IRAG2: variants seen among roughly 807,000 people sequenced by gnomAD.
IRAG2 encodes the protein lymphoid restricted membrane protein.
IRAG2 carries 45 observed loss-of-function variants against 69.9 expected under a neutral mutation model. The ratio of observed to expected loss-of-function variants is 0.64; its 90% CI spans 0.51 to 0.83. IRAG2 has a LOEUF of 0.83. Among genes scored for constraint, IRAG2 ranks in the 40% least tolerant of loss-of-function variants. The pLI is 0.00. For synonymous variants in IRAG2, 193 were observed against 202.4 expected, an observed-to-expected ratio of 0.95 and a Z score of 0.40; for missense variants, 520 against 587.0, an observed-to-expected ratio of 0.89 and a Z score of 1.18.
upstream of IRAG2, among the ~76,000 whole-genome samples, chr12:25,001,610 C>T (rs1380603262): frequency 2.0e-5 from 3 of 152,108 alleles, no homozygotes; most frequent in Non-Finnish European, 4.4e-5. Flanking sequence ...ACCACATCAT[C>T]ATTCAGTGAC....
At chr12:25,039,652 G>A (rs1424740023) in intron 16 of IRAG2, among the ~76,000 whole-genome samples, 2 of 152,110 alleles carry the variant, frequency 1.3e-5, no homozygotes, top group Non-Finnish European at 2.9e-5. Context: ...GGATGGTCTC[G>A]ATCTCCTGAC....
intron 15 of IRAG2, among the ~76,000 whole-genome samples, chr12:25,098,140 T>G (rs1948534446): frequency 6.6e-6 from 1 of 152,200 alleles, no homozygotes; most frequent in Admixed American, 6.5e-5. Flanking sequence ...TGCTTTGTCT[T>G]ACTCATTTGG....
chr12:25,050,328 A>G (rs1030854863), upstream of IRAG2, among the ~76,000 whole-genome samples: 8 of 151,798 alleles, frequency 5.3e-5, no homozygotes, highest in African/African-American at 1.9e-4. Context: ...CAGGAAATCG[A>G]GACCATCCTG....
At chr12:25,015,118 A>AAT in intron 3 of IRAG2, 2 of 450,236 alleles carry the variant, frequency 4.4e-6, no homozygotes, top group Non-Finnish European at 6.1e-6. Context: ...AAAAAGACAA[A>AAT]ACTTGGTCAG....
intron 10 of IRAG2, 22 bp from the exon 11 acceptor site, chr12:25,088,078 T>C (rs747939304): frequency 6.4e-7 from 1 of 1,555,748 alleles, no homozygotes; most frequent in South Asian, 1.1e-5. Context: ...CTATGTACAG[T>C]GGTAAAATCT....
chr12:25,077,465 T>C (rs1343208289), intron 6 of IRAG2, among the ~76,000 whole-genome samples: 1 of 148,234 alleles, frequency 6.7e-6, no homozygotes. Flanking sequence ...TTAAATATTT[T>C]AAAATAGGGC....
At chr12:25,004,324 C>T, upstream of IRAG2, 1 of 1,230,768 alleles carries the variant, frequency 8.1e-7, no homozygotes, top group Non-Finnish European at 1.0e-6. Context: ...CATCTGTATA[C>T]TAGGAGGAAA....
intron 21 of IRAG2, among the ~76,000 whole-genome samples, chr12:25,107,252 ACTGTAATATATGTTATATTCT>A (rs1401464523): frequency 2.0e-5 from 3 of 152,172 alleles, no homozygotes; most frequent in Non-Finnish European, 4.4e-5. Flanking sequence ...CATAACTTTT[ACTGTAATATATGTTATATTCT>A]ATTTTATGTT....
upstream of IRAG2, among the ~76,000 whole-genome samples, chr12:25,002,134 G>C (rs1944396290): frequency 6.6e-6 from 1 of 152,118 alleles, no homozygotes; most frequent in Non-Finnish European, 1.5e-5. Context: ...TCAGTCAACT[G>C]TAGATTTGGA....
At chr12:25,091,949 C>T (rs1477002853) in intron 14 of IRAG2, among the ~76,000 whole-genome samples, 1 of 152,042 alleles carries the variant, frequency 6.6e-6, no homozygotes, top group Non-Finnish European at 1.5e-5. Context: ...ATTTTCTTTG[C>T]AGAAAAAAAT....
intron 4 of IRAG2, among the ~76,000 whole-genome samples, chr12:25,065,403 T>A (rs1352113453): frequency 6.6e-6 from 1 of 152,190 alleles, no homozygotes. Context: ...CTATGTTTTT[T>A]CTATTAAACT....
the IRAG2 span, among the ~76,000 whole-genome samples, chr12:24,998,883 A>G: frequency 2.0e-5 from 3 of 147,064 alleles, no homozygotes; most frequent in Non-Finnish European, 4.5e-5. Context: ...ATTTTAAAGG[A>G]AAAAAACAGG....
chr12:25,020,992 A>AGGATATTGACTTCT, intron 7 of IRAG2: 1 of 593,640 alleles, frequency 1.7e-6, no homozygotes, highest in Non-Finnish European at 2.5e-6. Flanking sequence ...GTGGAACATC[A>AGGATATTGACTTCT]GAAGTCAATA....
chr12:25,097,147 C>G, intron 15 of IRAG2, 103 bp downstream of exon 15: 1 of 1,204,486 alleles, frequency 8.3e-7, no homozygotes, highest in Non-Finnish European at 1.1e-6. Context: ...TTAAAAAATA[C>G]TTTTGTTGTA....
At chr12:25,038,370 C>T (rs1033891838) in intron 16 of IRAG2, among the ~76,000 whole-genome samples, 10 of 151,818 alleles carry the variant, frequency 6.6e-5, no homozygotes, top group Middle Eastern at 6.8e-3. Flanking sequence ...CAGCCAAGCG[C>T]GGTGGCTCAC....
chr12:25,100,907 G>T (rs1015472984), intron 15 of IRAG2: 2 of 265,860 alleles, frequency 7.5e-6, no homozygotes, highest in East Asian at 1.4e-4. Flanking sequence ...TGCAGTGTAG[G>T]TTGCTTCTAG....
chr12:25,004,324 C>G, upstream of IRAG2: 1 of 1,230,768 alleles, frequency 8.1e-7, no homozygotes, highest in Non-Finnish European at 1.0e-6. Context: ...CATCTGTATA[C>G]TAGGAGGAAA....
In IRAG2 at chr12:25,077,209, G is replaced by GAAATATATATGAT. The variant is rs1555138995; in HGVS notation, c.25-2034_25-2033insAATATATATGATA. ...TGATATATATATGAAATATATATAT[G>GAAATATATATGAT]ATATATATGAAATATATATGATATA... On this transcript the variant is annotated intron_variant, in intron 6 of 21. Transcript: ENST00000556887. Among the ~76,000 whole-genome samples, 12 of 33,722 alleles carry GAAATATATATGAT rather than the reference G, an allele frequency of 3.6e-4. 1 individual carries two copies. The highest frequency in any genetic ancestry group is 8.2e-4 in the African/African-American group (10 of 12,254). 22.1% of individuals were successfully genotyped at this position (33,722 alleles called of 152,430 possible).
intron 21 of IRAG2, among the ~76,000 whole-genome samples, chr12:25,107,370 G>A (rs900650775): frequency 1.3e-5 from 2 of 152,062 alleles, no homozygotes; most frequent in African/African-American, 2.4e-5. Context: ...AGTATATACT[G>A]GGTTTAGTAC....
Sources: gnomAD v4.1 joint callset for allele counts (sites outside exome capture counted in the v4.1 genomes callset) on GRCh38, gnomAD v4.1.1 for gene constraint, MANE v1.5 for transcripts, NCBI Gene and HGNC (gene_info 2026-07-23, HGNC 2026-07-21) for gene names.